MTUS2: variants seen among roughly 807,000 people sequenced by gnomAD.
MTUS2 encodes the protein microtubule-associated tumor suppressor candidate 2.
Under a neutral mutation model 114.1 loss-of-function variants are expected in MTUS2, and 40 were observed. The observed-to-expected ratio is 0.35, with a 90% confidence interval of 0.27 to 0.46. MTUS2 has a LOEUF of 0.46. MTUS2 is among the 20% of genes least tolerant of loss of function. The probability of loss-of-function intolerance (pLI) is 1.00; values close to 1 mark genes in which losing one functional copy is unlikely to be tolerated. For missense variants in MTUS2, 1,679 were observed against 1,705.4 expected, an observed-to-expected ratio of 0.98 and a Z score of 0.27; for synonymous variants, 688 against 672.0, an observed-to-expected ratio of 1.02 and a Z score of -0.37.
At chr13:29,073,455 C>T (rs980141601) in intron 4 of MTUS2, among the ~76,000 whole-genome samples, 3 of 148,256 alleles carry the variant, frequency 2.0e-5, no homozygotes, top group Non-Finnish European at 2.9e-5. Flanking sequence ...GGAACCACAA[C>T]TATCTGATGA....
intron 2 of MTUS2, among the ~76,000 whole-genome samples, chr13:28,931,247 T>C (rs1440509305): frequency 6.6e-6 from 1 of 151,894 alleles, no homozygotes; most frequent in East Asian, 1.9e-4. Flanking sequence ...TGGGAAAAAA[T>C]AAAAAATAGC....
chr13:29,138,273 G>A (rs1462340634), intron 5 of MTUS2, among the ~76,000 whole-genome samples: 1 of 152,012 alleles, frequency 6.6e-6, no homozygotes, highest in South Asian at 2.1e-4. Context: ...CCAGGAAGTT[G>A]TAAGCCTTCA....
intron 8 of MTUS2, among the ~76,000 whole-genome samples, chr13:29,399,535 A>G (rs1195540190): frequency 6.6e-6 from 1 of 152,252 alleles, no homozygotes; most frequent in Non-Finnish European, 1.5e-5. Flanking sequence ...GAACTTGGAA[A>G]TAGAACTGAA....
At chr13:29,369,423 T>C (rs1404101958) in intron 8 of MTUS2, among the ~76,000 whole-genome samples, 1 of 152,188 alleles carries the variant, frequency 6.6e-6, no homozygotes, top group East Asian at 1.9e-4. Context: ...TCTCCTCCCT[T>C]TGGCTCCCTA....
chr13:29,237,204 A>G (rs9551635), intron 5 of MTUS2, among the ~76,000 whole-genome samples: 123,693 of 152,182 alleles, frequency 0.81, 50,298 homozygotes, highest in South Asian at 0.83. Flanking sequence ...TCTTTTGACT[A>G]TGGGCTCATG....
rs569600469 is a variant in MTUS2 at position 29,389,624 on chromosome 13, T to C, written c.3117+30151T>C. 4.0e-4 allele frequency among the ~76,000 whole-genome samples: 18 copies of C among 45,522 alleles called. 2 individuals carry two copies. The Admixed American group carries it at 5.4e-3, about 14-fold the overall frequency. 29.9% of individuals were successfully genotyped at this position (45,522 alleles called of 152,430 possible). A position where few individuals can be genotyped will look rare whatever the true frequency, so the allele number is the denominator to read the frequency against. On this transcript the variant is annotated intron_variant, in intron 8 of 15. Transcript: ENST00000612955. Reference sequence around the variant, plus strand: ...GTATACGTATACATATGTGTGTATATATGTATACACATATGTGTATGTATA... The same window carrying C: ...GTATACGTATACATATGTGTGTATACATGTATACACATATGTGTATGTATA...
At chr13:28,847,545 G>A (rs889498575) in intron 2 of MTUS2, among the ~76,000 whole-genome samples, 13 of 152,172 alleles carry the variant, frequency 8.5e-5, no homozygotes, top group African/African-American at 2.2e-4. Context: ...ATCAATTTCC[G>A]CTGCATCCTC....
At chr13:29,118,242 T>A (rs1290053932) in intron 5 of MTUS2, among the ~76,000 whole-genome samples, 3 of 151,854 alleles carry the variant, frequency 2.0e-5, no homozygotes, top group African/African-American at 7.3e-5. Context: ...ATAGTGATAC[T>A]GGCACCCTAG....
intron 4 of MTUS2, among the ~76,000 whole-genome samples, chr13:29,066,954 A>G (rs1191460101): frequency 1.3e-5 from 2 of 152,216 alleles, no homozygotes; most frequent in East Asian, 3.9e-4. Flanking sequence ...GGGCAAAGGT[A>G]GAATATAGAT....
intron 8 of MTUS2, among the ~76,000 whole-genome samples, chr13:29,394,654 C>A (rs2138457430): frequency 6.6e-6 from 1 of 152,306 alleles, no homozygotes; most frequent in African/African-American, 2.4e-5. Context: ...ATCCCCAACC[C>A]CCTGGCCACG....
At chr13:29,074,665 T>G in intron 4 of MTUS2, among the ~76,000 whole-genome samples, 1 of 152,152 alleles carries the variant, frequency 6.6e-6, no homozygotes, top group East Asian at 1.9e-4. Context: ...ATACTGACAC[T>G]ACGAGTGCTT....
chr13:29,250,226 G>A (rs1261702461), intron 5 of MTUS2, among the ~76,000 whole-genome samples: 1 of 152,048 alleles, frequency 6.6e-6, no homozygotes, highest in African/African-American at 2.4e-5. Context: ...TTTTGATTAT[G>A]TTGTGGTGTC....
chr13:29,250,069 AT>A (rs1360993906), intron 5 of MTUS2, among the ~76,000 whole-genome samples: 1 of 152,186 alleles, frequency 6.6e-6, no homozygotes, highest in African/African-American at 2.4e-5. Context: ...ATACCCTGTA[AT>A]TTTCAAAGTA....
chr13:29,441,819 G>A (rs568998977), intron 9 of MTUS2, among the ~76,000 whole-genome samples: 4 of 152,202 alleles, frequency 2.6e-5, no homozygotes, highest in South Asian at 2.1e-4. Context: ...CATCCTCCTC[G>A]ATGACTCCCA....
intron 5 of MTUS2, among the ~76,000 whole-genome samples, chr13:29,199,053 A>G (rs1326606130): frequency 6.6e-6 from 1 of 152,140 alleles, no homozygotes; most frequent in African/African-American, 2.4e-5. Flanking sequence ...GATATCCTTT[A>G]TTTCTTTCTC....
intron 5 of MTUS2, among the ~76,000 whole-genome samples, chr13:29,259,362 G>A (rs1481101834): frequency 6.6e-6 from 1 of 152,160 alleles, no homozygotes; most frequent in Non-Finnish European, 1.5e-5. Flanking sequence ...AGAGTGTGTA[G>A]AAGAATTCAA....
chr13:29,296,245 C>G (rs984907015), intron 6 of MTUS2, among the ~76,000 whole-genome samples: 1 of 152,006 alleles, frequency 6.6e-6, no homozygotes, highest in Admixed American at 6.6e-5. Context: ...CAGGGTCTCA[C>G]TCTGTCACCC....
intron 5 of MTUS2, among the ~76,000 whole-genome samples, chr13:29,278,425 T>G (rs1187745623): frequency 2.0e-5 from 3 of 152,154 alleles, no homozygotes; most frequent in Non-Finnish European, 4.4e-5. Context: ...GTGTCCAGAT[T>G]ATTTAAAGAA....
rs184744209 is a variant in MTUS2, at chr13:28,833,216, T to A, written c.-315-6562T>A. Among the ~76,000 whole-genome samples, 5 of 152,264 alleles carry A rather than the reference T, an allele frequency of 3.3e-5. No homozygotes were observed. The East Asian group carries it at 9.6e-4, about 29-fold the overall frequency. ...CAAGGAGGGAACATTCTTGGCTCATTCTTTAAGGCCAGTAGTACTTTGATA... is the reference window on the plus strand; with the variant it reads ...CAAGGAGGGAACATTCTTGGCTCATACTTTAAGGCCAGTAGTACTTTGATA... On this transcript the variant is annotated intron_variant, in intron 1 of 15. Transcript: ENST00000612955.
Sources: allele counts gnomAD v4.1 joint callset (sites outside exome capture counted in the v4.1 genomes callset), GRCh38; gene constraint gnomAD v4.1.1; transcripts MANE v1.5; gene names NCBI Gene and HGNC (gene_info 2026-07-23, HGNC 2026-07-21).